Variants in IYD observed in about 807,000 individuals in gnomAD.
The protein encoded by IYD is iodotyrosine deiodinase.
In IYD, 25 loss-of-function variants were observed where a neutral mutation model predicts 28.4. That is an observed-to-expected ratio of 0.88 (90% CI 0.64 to 1.23). IYD has a LOEUF of 1.23. IYD is among the 50% of genes most tolerant of loss of function. The pLI is 0.00. For synonymous variants in IYD, 140 were observed against 130.8 expected (o/e 1.07, Z -0.48); for missense variants, 352 against 357.9 (o/e 0.98, Z 0.13).
At position 150,392,375 on chromosome 6, in the gene IYD, C is replaced by T. The variant is rs562117522; in HGVS notation, c.401C>T (p.Pro134Leu). 5.4e-5 allele frequency: 87 copies of T among 1,613,692 alleles called. 1 individual carries two copies. The South Asian group carries it at 9.2e-4, about 17-fold the overall frequency. ...GCCCCGAGTGGGGCTCACACAGAGCCCTGGACCTTCGTGGTTGTGAAGGAC... is the reference window on the plus strand; with the variant it reads ...GCCCCGAGTGGGGCTCACACAGAGCTCTGGACCTTCGTGGTTGTGAAGGAC... ...GTAPSGAHTE[P>L]WTFVVVKDPD... is the part of the protein sequence containing the mutation. The change falls in exon 3 of 5, where the codon CCC becomes CTC. Residue 134 changes from proline (P) to leucine (L), a missense_variant. By Grantham distance (98) the Pro-to-Leu change is moderately conservative. Transcript: ENST00000344419.
Position 150,394,225 on chromosome 6 carries a change from C to A in IYD, c.657C>A (p.Ile219=). 6.2e-7 allele frequency: 1 copy of A among 1,614,212 alleles called. No individual in the cohort carries two copies. Among genetic ancestry groups the A allele is most frequent in the Non-Finnish European group, 8.5e-7 (1 of 1,180,030 alleles). Residue 219 remains isoleucine (I), a synonymous_variant, in exon 4 of 5, where the codon ATC becomes ATA. Coordinates refer to ENST00000344419, the MANE Select transcript of IYD (RefSeq NM_203395.3). ...VHYYNEISVS[I]ACGILLAALQ... Reference sequence around the variant, plus strand: ...ACTACAATGAGATCAGTGTTTCCATCGCTTGTGGCATCCTGCTAGCTGCCC... The same window carrying A: ...ACTACAATGAGATCAGTGTTTCCATAGCTTGTGGCATCCTGCTAGCTGCCC...
chr6:150,385,300 G>A (rs1457193014), intron 1 of IYD, among the ~76,000 whole-genome samples: 1 of 152,084 alleles, frequency 6.6e-6, no homozygotes, highest in Non-Finnish European at 1.5e-5. Flanking sequence ...CTCAATCACT[G>A]ATGGAAGGGT....
chr6:150,377,111 G>C (rs1360203579), intron 1 of IYD, among the ~76,000 whole-genome samples: 1 of 152,180 alleles, frequency 6.6e-6, no homozygotes, highest in East Asian at 1.9e-4. Flanking sequence ...ATTGTTTGCA[G>C]ACCCCCAGTG....
chr6:150,372,480 T>A (rs13197129), intron 1 of IYD, among the ~76,000 whole-genome samples: 45 of 32,882 alleles, frequency 1.4e-3, no homozygotes, highest in African/African-American at 4.5e-3. Flanking sequence ...ACATTGTGTG[T>A]CCATGCTTAT....
At chr6:150,370,220 C>CTTGCGT (rs374196593) in intron 1 of IYD, among the ~76,000 whole-genome samples, 5,533 of 145,016 alleles carry the variant, frequency 0.038, 362 homozygotes, top group African/African-American at 0.14. Context: ...TGTGTGTGCG[C>CTTGCGT]GTGCGTGTGT....
chr6:150,381,060 G>A (rs1029599260), intron 1 of IYD, among the ~76,000 whole-genome samples: 1 of 152,168 alleles, frequency 6.6e-6, no homozygotes, highest in Admixed American at 6.5e-5. Context: ...GTGAGCAACA[G>A]GAAGTTTATT....
At chr6:150,382,029 T>G (rs565552036) in intron 1 of IYD, among the ~76,000 whole-genome samples, 7 of 152,326 alleles carry the variant, frequency 4.6e-5, no homozygotes, top group African/African-American at 1.7e-4. Flanking sequence ...CCTGATGATG[T>G]ACCACGCAGA....
chr6:150,374,089 G>C (rs1376185451), intron 1 of IYD, among the ~76,000 whole-genome samples: 1 of 152,202 alleles, frequency 6.6e-6, no homozygotes, highest in Non-Finnish European at 1.5e-5. Flanking sequence ...GACAAATCCT[G>C]TCTTCACTCC....
chr6:150,392,198 A>G, intron 2 of IYD, 147 bp from the exon 3 acceptor site: 7 of 248,880 alleles, frequency 2.8e-5, no homozygotes, highest in Non-Finnish European at 3.8e-5. Context: ...CCTGCTAGTT[A>G]AAAAAAAAAA....
chr6:150,395,282 A>G (rs1408251823), intron 4 of IYD: 6 of 725,036 alleles, frequency 8.3e-6, no homozygotes, highest in South Asian at 7.6e-5. Flanking sequence ...AAGTAACCAT[A>G]CTTTTGAGAG....
intron 1 of IYD, among the ~76,000 whole-genome samples, chr6:150,371,982 A>G (rs1325092727): frequency 6.6e-6 from 1 of 152,114 alleles, no homozygotes; most frequent in Non-Finnish European, 1.5e-5. Flanking sequence ...TGGGGATATT[A>G]CTCTAGGTCC....
intron 1 of IYD, among the ~76,000 whole-genome samples, chr6:150,387,429 T>TAAAA (rs35642662): frequency 2.1e-4 from 28 of 133,888 alleles, no homozygotes; most frequent in African/African-American, 7.5e-4. Flanking sequence ...AAAGTTCTTG[T>TAAAA]AAAAAAAAAA....
At position 150,392,486 on chromosome 6, in the gene IYD, C is replaced by T. The variant is rs1052573071; in HGVS notation, c.512C>T (p.Thr171Ile). 1.9e-6 allele frequency: 3 copies of T among 1,613,816 alleles called. No homozygotes were observed. Among genetic ancestry groups the T allele is most frequent in the Non-Finnish European group, 2.5e-6 (3 of 1,179,946 alleles). ...YMKRMGHRWV[T>I]DLKKLRTNWI... is the part of the protein sequence containing the mutation. ...AAAAGGATGGGACATCGCTGGGTCA[C>T]AGACCTCAAGAAACTGAGGTACAAA... Residue 171 changes from threonine to isoleucine, a missense_variant, in exon 3 of 5, where the codon ACA becomes ATA. Thr to Ile is a moderately conservative substitution (Grantham distance 89). Coordinates refer to ENST00000344419, the MANE Select transcript of IYD (RefSeq NM_203395.3).
chr6:150,371,400 A>G (rs1018140913), intron 1 of IYD, among the ~76,000 whole-genome samples: 2 of 152,158 alleles, frequency 1.3e-5, no homozygotes, highest in African/African-American at 4.8e-5. Context: ...ATGACCTAGA[A>G]TGGAGGAGGC....
intron 1 of IYD, among the ~76,000 whole-genome samples, chr6:150,378,331 C>A (rs950473312): frequency 6.6e-6 from 1 of 150,554 alleles, no homozygotes; most frequent in Non-Finnish European, 1.5e-5. Context: ...CCTCCCCGCT[C>A]CCCCCACCCC....
rs776316943 is a variant in IYD at position 150,398,276 on chromosome 6, C to T, written c.*39C>T. ...AGGGAGTGGCAGGGAGATGGCGCCC[C>T]TGCTTTTCCCTGAGCCTCTCGCCTG... On this transcript the variant is annotated 3_prime_UTR_variant, in exon 5 of 5. Transcript: ENST00000344419. 1 of 1,595,924 alleles carries T rather than the reference C, an allele frequency of 6.3e-7. No individual in the cohort carries two copies. Among genetic ancestry groups the T allele is most frequent in the East Asian group, 2.2e-5 (1 of 44,734 alleles).
intron 1 of IYD, among the ~76,000 whole-genome samples, chr6:150,373,671 C>T (rs1206745385): frequency 6.6e-6 from 1 of 152,190 alleles, no homozygotes; most frequent in African/African-American, 2.4e-5. Context: ...CTGGCAAGTG[C>T]TATGAATCAG....
rs1778581532 is a variant in IYD at position 150,404,040 on chromosome 6, C to T, written c.*5803C>T. On this transcript the variant is annotated 3_prime_UTR_variant, in exon 5 of 5. Transcript: ENST00000344419. ...GGTGAAAACTGGGAGCCTCCTGTTC[C>T]CATAGTAACCACAGCACTCAGGGCA... The T allele has an allele frequency of 6.6e-6, 1 of 152,150 alleles. No homozygotes were observed. Among genetic ancestry groups the T allele is most frequent in the Non-Finnish European group, 1.5e-5 (1 of 68,028 alleles). 9.4% of individuals were successfully genotyped at this position (152,150 alleles called of 1,614,324 possible). A position where few individuals can be genotyped will look rare whatever the true frequency, so the allele number is the denominator to read the frequency against.
chr6:150,389,578 A>G (rs1582793285), intron 2 of IYD, 35 bp downstream of exon 2: 1 of 1,560,560 alleles, frequency 6.4e-7, no homozygotes, highest in Non-Finnish European at 8.8e-7. Context: ...TGGAAATGTT[A>G]GTCACCTTAC....
Sources: gnomAD v4.1 joint callset for allele counts (sites outside exome capture counted in the v4.1 genomes callset) on GRCh38, gnomAD v4.1.1 for gene constraint, MANE v1.5 for transcripts, NCBI Gene and HGNC (gene_info 2026-07-23, HGNC 2026-07-21) for gene names.